Variants in RGL1 observed in about 807,000 individuals in gnomAD.
The protein encoded by RGL1 is ral guanine nucleotide dissociation stimulator like 1.
A neutral mutation model predicts 95.2 loss-of-function variants in RGL1; 24 were observed. The observed-to-expected ratio is 0.25, with a 90% CI of 0.18 to 0.35. The LOEUF (loss-of-function observed/expected upper bound fraction) is 0.35. Ranked by LOEUF, RGL1 falls within the 10% of genes least tolerant of loss-of-function variation. The pLI, the probability that RGL1 is intolerant of heterozygous loss-of-function variation, is 1.00. For synonymous variants in RGL1, 329 were observed against 344.9 expected, an observed-to-expected ratio of 0.95 and a Z score of 0.51; for missense variants, 715 against 936.3, an observed-to-expected ratio of 0.76 and a Z score of 3.08.
chr1:183,888,303 G>A (rs898495035), intron 7 of RGL1, among the ~76,000 whole-genome samples, 171 bp from the exon 8 acceptor site: 1 of 152,140 alleles, frequency 6.6e-6, no homozygotes, highest in East Asian at 1.9e-4. Flanking sequence ...AAAGTGTTTC[G>A]ATGACTGGGG....
intron 4 of RGL1, among the ~76,000 whole-genome samples, chr1:183,875,721 A>G (rs920435399): frequency 6.6e-6 from 1 of 151,124 alleles, no homozygotes; most frequent in Admixed American, 6.6e-5. Context: ...ACTAAAAAGA[A>G]AAAAAAAATT....
chr1:183,683,270 G>A (rs1653347230), intron 1 of RGL1, among the ~76,000 whole-genome samples: 1 of 152,152 alleles, frequency 6.6e-6, no homozygotes, highest in Non-Finnish European at 1.5e-5. Flanking sequence ...AGTGTTGATG[G>A]TCTTTACAAT....
intron 6 of RGL1, 132 bp from the exon 7 acceptor site, chr1:183,884,591 A>G: frequency 1.4e-6 from 1 of 700,666 alleles, no homozygotes; most frequent in South Asian, 1.9e-5. Flanking sequence ...AATGGACACC[A>G]TGAGACAAAT....
upstream of RGL1, among the ~76,000 whole-genome samples, chr1:183,802,190 G>A (rs1558214722): frequency 6.6e-6 from 1 of 152,132 alleles, no homozygotes; most frequent in Non-Finnish European, 1.5e-5. Flanking sequence ...TTGTTGGAGA[G>A]ATTATCTTTT....
intron 2 of RGL1, among the ~76,000 whole-genome samples, chr1:183,756,063 T>G (rs935522016): frequency 1.3e-5 from 2 of 152,080 alleles, no homozygotes; most frequent in East Asian, 3.9e-4. Flanking sequence ...TTTTGTATTT[T>G]TAGTAAAGAC....
chr1:183,918,236 G>C (rs559764745), intron 16 of RGL1, among the ~76,000 whole-genome samples: 1 of 152,296 alleles, frequency 6.6e-6, no homozygotes, highest in South Asian at 2.1e-4. Flanking sequence ...CTGGTGCTGA[G>C]ATCAAATACT....
At chr1:183,850,032 C>G (rs1207420360) in intron 3 of RGL1, among the ~76,000 whole-genome samples, 1 of 152,110 alleles carries the variant, frequency 6.6e-6, no homozygotes, top group African/African-American at 2.4e-5. Context: ...TGGATATTTT[C>G]TCTCTACTTT....
intron 9 of RGL1, among the ~76,000 whole-genome samples, chr1:183,897,403 T>C (rs1667760914): frequency 6.6e-6 from 1 of 151,964 alleles, no homozygotes; most frequent in African/African-American, 2.4e-5. Context: ...ATATAAAAAT[T>C]AGCCAGGTGG....
At chr1:183,783,427 G>A (rs1461653146) in intron 2 of RGL1, among the ~76,000 whole-genome samples, 1 of 152,102 alleles carries the variant, frequency 6.6e-6, no homozygotes, top group Non-Finnish European at 1.5e-5. Context: ...ATTACCTAAG[G>A]ACTCACAGAG....
At chr1:183,821,195 C>T (rs1418105637) in intron 2 of RGL1, among the ~76,000 whole-genome samples, 1 of 152,034 alleles carries the variant, frequency 6.6e-6, no homozygotes, top group Non-Finnish European at 1.5e-5. Flanking sequence ...TTTAATTTGG[C>T]AACTAAAAAA....
At chr1:183,874,397 G>A (rs1234740371) in intron 4 of RGL1, among the ~76,000 whole-genome samples, 1 of 152,246 alleles carries the variant, frequency 6.6e-6, no homozygotes, top group East Asian at 1.9e-4. Flanking sequence ...TTGACTTTGG[G>A]TAATTGGCTT....
At chr1:183,848,539 C>T (rs148300797) in intron 3 of RGL1, among the ~76,000 whole-genome samples, 6 of 152,244 alleles carry the variant, frequency 3.9e-5, no homozygotes, top group South Asian at 4.1e-4. Flanking sequence ...AAATGAGATA[C>T]GGCTTTCTGT....
intron 2 of RGL1, among the ~76,000 whole-genome samples, chr1:183,792,028 C>A (rs888602804): frequency 6.6e-6 from 1 of 152,134 alleles, no homozygotes; most frequent in Admixed American, 6.5e-5. Flanking sequence ...TTCTACCACT[C>A]TTCAATATAT....
intron 4 of RGL1, among the ~76,000 whole-genome samples, chr1:183,866,736 G>A (rs762375505): frequency 6.6e-6 from 1 of 152,226 alleles, no homozygotes; most frequent in Non-Finnish European, 1.5e-5. Context: ...GAAGAGTGCT[G>A]TGGCCTGACA....
chr1:183,822,518 C>T (rs6697819), intron 2 of RGL1, among the ~76,000 whole-genome samples: 8,452 of 152,188 alleles, frequency 0.056, 795 homozygotes, highest in African/African-American at 0.19. Flanking sequence ...TTTGCCTCTA[C>T]TTTGCTTGAG....
At chr1:183,885,480 A>T (rs1450130685) in intron 7 of RGL1, among the ~76,000 whole-genome samples, 1 of 152,142 alleles carries the variant, frequency 6.6e-6, no homozygotes, top group African/African-American at 2.4e-5. Context: ...TCTCATATTA[A>T]TCTGAAGTTG....
chr1:183,729,577 A>G (rs115275254), intron 1 of RGL1, among the ~76,000 whole-genome samples: 45 of 152,340 alleles, frequency 3.0e-4, no homozygotes, highest in Non-Finnish European at 5.6e-4. Flanking sequence ...AGTTTCTTAT[A>G]AAGTTAAACA....
At chr1:183,662,112 T>G (rs1651676470) in intron 1 of RGL1, among the ~76,000 whole-genome samples, 1 of 151,282 alleles carries the variant, frequency 6.6e-6, no homozygotes, top group South Asian at 2.1e-4. Flanking sequence ...TCATACTTAA[T>G]GGGCAAAAAC....
intron 2 of RGL1, among the ~76,000 whole-genome samples, chr1:183,773,015 CAAAAAAAAAAAAAAAAAAA>C (rs60100787): frequency 1.4e-5 from 1 of 72,446 alleles, no homozygotes; most frequent in Non-Finnish European, 2.7e-5. Context: ...GACTCCGTCT[CAAAAAAAAAAAAAAAAAAA>C]AAAAAAAAAA....
Sources: gnomAD v4.1 joint callset for allele counts (sites outside exome capture counted in the v4.1 genomes callset) on GRCh38, gnomAD v4.1.1 for gene constraint, MANE v1.5 for transcripts, NCBI Gene and HGNC (gene_info 2026-07-23, HGNC 2026-07-21) for gene names.